NR4A1: variants seen among roughly 807,000 people sequenced by gnomAD.
NR4A1 encodes the protein nuclear receptor subfamily 4 group A member 1, also known as nuclear receptor subfamily 4immunitygroup A member 1.
Under a neutral mutation model 47.5 loss-of-function variants are expected in NR4A1, and 24 were observed. The ratio of observed to expected loss-of-function variants is 0.50; its 90% CI spans 0.37 to 0.71. NR4A1 has a LOEUF of 0.71. Ranked by LOEUF, NR4A1 falls within the 30% of genes least tolerant of loss-of-function variation. The pLI is 0.00. For synonymous variants in NR4A1, 353 were observed against 345.7 expected, an observed-to-expected ratio of 1.02 and a Z score of -0.24; for missense variants, 669 against 788.6, an observed-to-expected ratio of 0.85 and a Z score of 1.82.
At chr12:52,037,189 C>T (rs987860201) in intron 1 of NR4A1, 48 of 170,378 alleles carry the variant, frequency 2.8e-4, no homozygotes, top group Middle Eastern at 3.1e-3. Context: ...GGCGCGGGGG[C>T]GGGGGGCGCC....
In NR4A1 at chr12:52,053,941, C is replaced by T. The variant is rs1019604440; in HGVS notation, c.-2-386C>T. 2.7e-5 allele frequency: 6 copies of T among 219,336 alleles called. No homozygotes were observed. In the South Asian group the frequency reaches 5.5e-4, roughly 20 times the overall value. 13.6% of individuals were successfully genotyped at this position (219,336 alleles called of 1,614,324 possible). A position where few individuals can be genotyped will look rare whatever the true frequency, so the allele number is the denominator to read the frequency against. On this transcript the variant is annotated intron_variant, in intron 1 of 6. Coordinates refer to ENST00000394825, the MANE Select transcript of NR4A1 (RefSeq NM_173157.3). ...TGAGGCTTTGCTGGGCTGCCTCTCCCACTCACCCTTCTCCCGGCCCCCACC... is the reference window on the plus strand; with the variant it reads ...TGAGGCTTTGCTGGGCTGCCTCTCCTACTCACCCTTCTCCCGGCCCCCACC...
chr12:52,043,547 G>T (rs2120991320), intron 2 of NR4A1: 2 of 465,518 alleles, frequency 4.3e-6, no homozygotes, highest in South Asian at 2.2e-5. Flanking sequence ...CTGGGCACGG[G>T]CCCAGGGTCA....
At chr12:52,042,033 AG>A in intron 2 of NR4A1, 1 of 1,153,996 alleles carries the variant, frequency 8.7e-7, no homozygotes, top group Non-Finnish European at 1.1e-6. Context: ...AGGGGGATGG[AG>A]GGGAAGCCCT....
At chr12:52,037,922 TG>T in intron 1 of NR4A1, 2 of 980,678 alleles carry the variant, frequency 2.0e-6, no homozygotes, top group Non-Finnish European at 2.4e-6. Flanking sequence ...GTTGTTGTTT[TG>T]TTTTTTTGCC....
chr12:52,037,545 C>T, intron 1 of NR4A1: 1 of 981,836 alleles, frequency 1.0e-6, no homozygotes. Flanking sequence ...ACGCCGGAGT[C>T]CCGCTTGGAA....
At chr12:52,048,465 G>A (rs960478495), upstream of NR4A1, among the ~76,000 whole-genome samples, 3 of 152,054 alleles carry the variant, frequency 2.0e-5, no homozygotes, top group African/African-American at 7.2e-5. Context: ...GTGGTGGCAG[G>A]CACCTGTAGT....
At chr12:52,032,665 G>A (rs779309312) in intron 1 of NR4A1, among the ~76,000 whole-genome samples, 5 of 152,158 alleles carry the variant, frequency 3.3e-5, no homozygotes, top group Non-Finnish European at 7.4e-5. Context: ...TGGCCTAGGT[G>A]TTTCTCCGAA....
chr12:52,057,444 G>T lies in NR4A1; in HGVS notation c.1454G>T (p.Ser485Ile). ...CARGFGDWIDSILAFSRSLHS... is the reference protein window; with the variant it reads ...CARGFGDWIDIILAFSRSLHS... ...CGTGGCTTCGGGGACTGGATTGACAGTATCCTGGCCTTCTCAAGGTCCCTG... is the reference window on the plus strand; with the variant it reads ...CGTGGCTTCGGGGACTGGATTGACATTATCCTGGCCTTCTCAAGGTCCCTG... Residue 485 changes from serine to isoleucine, a missense_variant, in exon 6 of 7, where the codon AGT becomes ATT. Transcript: ENST00000394825. 6.2e-7 allele frequency: 1 copy of T among 1,614,250 alleles called. No homozygotes were observed. Among genetic ancestry groups the T allele is most frequent in the Non-Finnish European group, 8.5e-7 (1 of 1,180,050 alleles).
At chr12:52,047,728 A>C (rs1207984105), upstream of NR4A1, among the ~76,000 whole-genome samples, 2 of 152,210 alleles carry the variant, frequency 1.3e-5, no homozygotes, top group Admixed American at 6.5e-5. Flanking sequence ...ACAGCTCCTC[A>C]CCACACTCAG....
intron 2 of NR4A1, chr12:52,041,941 G>C: frequency 4.3e-6 from 6 of 1,397,280 alleles, no homozygotes; most frequent in Non-Finnish European, 5.6e-6. Flanking sequence ...TAAGTGCTCT[G>C]CTATTGTCCT....
Position 52,057,377 on chromosome 12 carries a change from A to G in NR4A1, c.1387A>G (p.Ile463Val). 6.2e-7 allele frequency: 1 copy of G among 1,614,194 alleles called. No individual in the cohort carries two copies. The highest frequency in any genetic ancestry group is 1.3e-5 in the African/African-American group (1 of 75,044). The change falls in exon 6 of 7, where the codon ATC becomes GTC. Residue 463 changes from isoleucine to valine, a missense_variant. Ile to Val is a conservative substitution (Grantham distance 29, BLOSUM62 3). Coordinates refer to ENST00000394825, the MANE Select transcript of NR4A1 (RefSeq NM_173157.3). ...YRSKPGEGKL[I>V]FCSGLVLHRL... ...GTCTAAGCCAGGCGAGGGCAAGCTCATCTTCTGCTCAGGCCTGGTGCTACA... is the reference window on the plus strand; with the variant it reads ...GTCTAAGCCAGGCGAGGGCAAGCTCGTCTTCTGCTCAGGCCTGGTGCTACA...
rs758917672 is a variant in NR4A1 at position 52,055,210 on chromosome 12, G to T, written c.876+6G>T. 1.1e-5 allele frequency: 17 copies of T among 1,610,902 alleles called. No individual in the cohort carries two copies. Among genetic ancestry groups the T allele is most frequent in the Middle Eastern group, 1.7e-4 (1 of 5,914 alleles). On this transcript the variant is annotated splice_donor_region_variant and intron_variant, in intron 2 of 6. Coordinates refer to ENST00000394825, the MANE Select transcript of NR4A1 (RefSeq NM_173157.3). ...GCTGCAAGGGCTTCTTCAAGGTACCGCGCAGCCCCAGGTGGGGCCTTTTGT... is the reference window on the plus strand; with the variant it reads ...GCTGCAAGGGCTTCTTCAAGGTACCTCGCAGCCCCAGGTGGGGCCTTTTGT...
At chr12:52,043,846 T>C in intron 2 of NR4A1, 1 of 1,289,060 alleles carries the variant, frequency 7.8e-7, no homozygotes, top group Non-Finnish European at 1.0e-6. Flanking sequence ...AATCTTGGGA[T>C]TCTCCCTTCG....
At chr12:52,052,698 T>A in intron 1 of NR4A1, 1 of 977,048 alleles carries the variant, frequency 1.0e-6, no homozygotes, top group East Asian at 1.1e-4. Flanking sequence ...GAGGGACTGA[T>A]GGGGGTTGAT....
rs776177189 is a variant in NR4A1, at chr12:52,041,868, C to T, written c.-25C>T. ...CTCCCAGGCAGCCTGGCTCCTTCTGCTGGGCCCTGAAGGCAGACGGGATAA... is the reference window on the plus strand; with the variant it reads ...CTCCCAGGCAGCCTGGCTCCTTCTGTTGGGCCCTGAAGGCAGACGGGATAA... On this transcript the variant is annotated 5_prime_UTR_variant, in exon 2 of 8. Coordinates refer to the NR4A1 transcript ENST00000360284. 24 of 1,529,862 alleles carry T rather than the reference C, an allele frequency of 1.6e-5. No homozygotes were observed. The South Asian group carries it at 3.1e-4, about 20-fold the overall frequency. The allele number at this position is 1,529,862 out of a possible 1,614,324, so 94.8% of individuals were successfully genotyped here.
intron 2 of NR4A1, chr12:52,043,753 G>T (rs1938525014): frequency 1.6e-6 from 2 of 1,286,106 alleles, no homozygotes; most frequent in East Asian, 5.6e-5. Context: ...CTGCTGCCCA[G>T]CCTCGGCTGT....
intron 2 of NR4A1, 94 bp from the exon 3 acceptor site, chr12:52,055,936 C>A: frequency 1.5e-6 from 1 of 688,330 alleles, no homozygotes; most frequent in Non-Finnish European, 2.2e-6. Context: ...CTTTTGTCTG[C>A]AATGGCAGCA....
chr12:52,054,977 C>T lies in NR4A1; in HGVS notation c.649C>T (p.Gln217Ter). 1 of 1,614,218 alleles carries T rather than the reference C, an allele frequency of 6.2e-7. No individual in the cohort carries two copies. The highest frequency in any genetic ancestry group is 8.5e-7 in the Non-Finnish European group (1 of 1,180,030). ...GTTGTTCCCCTCACAGGCCACCCAC[C>T]AGCTGGGGGAGGGAGAGAGCTATTC... ...LKLFPSQATH[Q>*]LGEGESYSMP... Residue 217 changes from glutamine to a stop codon, truncating the protein, a stop_gained, in exon 2 of 7, where the codon CAG (glutamine) becomes TAG (stop). Coordinates refer to ENST00000394825, the MANE Select transcript of NR4A1 (RefSeq NM_173157.3). LOFTEE classifies it high-confidence loss of function.
chr12:52,046,512 T>C (rs1218225859), upstream of NR4A1, among the ~76,000 whole-genome samples: 2 of 152,174 alleles, frequency 1.3e-5, no homozygotes, highest in East Asian at 1.9e-4. Context: ...CTATGAGATA[T>C]TGCATTCCCT....
Sources: allele counts gnomAD v4.1 joint callset (sites outside exome capture counted in the v4.1 genomes callset), GRCh38; gene constraint gnomAD v4.1.1; transcripts MANE v1.5; gene names NCBI Gene and HGNC (gene_info 2026-07-23, HGNC 2026-07-21).